The following MTUS2 variants were observed in gnomAD, a reference collection of about 807,000 sequenced individuals.
MTUS2 encodes the protein microtubule-associated tumor suppressor candidate 2.
Under a neutral mutation model 114.1 loss-of-function variants are expected in MTUS2, and 40 were observed. The ratio of observed to expected loss-of-function variants is 0.35; its 90% CI spans 0.27 to 0.46. MTUS2 has a LOEUF of 0.46. MTUS2 is among the 20% of genes least tolerant of loss of function. MTUS2 has a pLI of 1.00. For synonymous variants in MTUS2, 688 were observed against 672.0 expected (o/e 1.02, Z -0.37); for missense variants, 1,679 against 1,705.4 (o/e 0.98, Z 0.27).
intron 4 of MTUS2, among the ~76,000 whole-genome samples, chr13:29,041,361 A>G (rs1248776787): frequency 1.3e-5 from 2 of 152,172 alleles, no homozygotes; most frequent in East Asian, 3.8e-4. Flanking sequence ...CTTATGGTAT[A>G]GTTTGAAGTC....
chr13:29,423,290 C>G (rs2138604082), intron 8 of MTUS2, among the ~76,000 whole-genome samples: 1 of 152,324 alleles, frequency 6.6e-6, no homozygotes, highest in South Asian at 2.1e-4. Flanking sequence ...CAAAAGAAAT[C>G]TCGCTCCCTT....
intron 2 of MTUS2, among the ~76,000 whole-genome samples, chr13:28,894,988 T>C (rs768963647): frequency 1.3e-5 from 2 of 152,204 alleles, no homozygotes; most frequent in Non-Finnish European, 2.9e-5. Context: ...ATGAAACAGT[T>C]TAAAACAGAA....
chr13:29,247,072 G>T (rs1313851347), intron 5 of MTUS2, among the ~76,000 whole-genome samples: 1 of 152,144 alleles, frequency 6.6e-6, no homozygotes, highest in Admixed American at 6.5e-5. Context: ...TATGCACACA[G>T]ATCAATTGGA....
At chr13:29,209,698 A>G (rs1895345196) in intron 5 of MTUS2, among the ~76,000 whole-genome samples, 1 of 152,144 alleles carries the variant, frequency 6.6e-6, no homozygotes, top group Non-Finnish European at 1.5e-5. Context: ...GCTTAGTTTC[A>G]TGAAATACAA....
chr13:29,463,649 C>G (rs1879677814), intron 9 of MTUS2, among the ~76,000 whole-genome samples: 1 of 152,096 alleles, frequency 6.6e-6, no homozygotes, highest in African/African-American at 2.4e-5. Flanking sequence ...GCTCTGCCTC[C>G]TGAGCCCACA....
chr13:29,315,694 A>T (rs1899959491), intron 6 of MTUS2, among the ~76,000 whole-genome samples: 2 of 152,232 alleles, frequency 1.3e-5, no homozygotes, highest in Non-Finnish European at 2.9e-5. Context: ...GTCTCTGTGA[A>T]ATGAGAGCAA....
Position 29,034,102 on chromosome 13 carries a change from GT to G in MTUS2, c.2424del (p.Leu809SerfsTer10). 1.2e-6 allele frequency: 2 copies of G among 1,614,016 alleles called. No individual in the cohort carries two copies. The highest frequency in any genetic ancestry group is 1.7e-6 in the Non-Finnish European group (2 of 1,179,888). Reference sequence around the variant, plus strand: ...CCAGGACCCATAACAACAGCCACCAGTCTCTACAGTTCCGATCCTTCAGGTA... The same window carrying G: ...CCAGGACCCATAACAACAGCCACCAGCTCTACAGTTCCGATCCTTCAGGTA... ...HPPGPITTAT[S>X]LYSSDPSADL... On this transcript the variant is annotated frameshift_variant, in exon 4 of 16. Transcript: ENST00000612955. LOFTEE classifies it high-confidence loss of function.
chr13:29,072,657 T>C (rs780862881), intron 4 of MTUS2, among the ~76,000 whole-genome samples: 6 of 152,196 alleles, frequency 3.9e-5, no homozygotes, highest in Non-Finnish European at 7.3e-5. Context: ...CTGAATTTGC[T>C]CACAAAAAAT....
chr13:28,954,921 C>T (rs1593329987), intron 2 of MTUS2, among the ~76,000 whole-genome samples: 1 of 152,270 alleles, frequency 6.6e-6, no homozygotes, highest in East Asian at 1.9e-4. Flanking sequence ...TTGGCCTGTG[C>T]TCTGTTGACT....
In MTUS2 at chr13:28,946,297, GTGTGTGT is replaced by G. The variant is rs1170070733; in HGVS notation, c.-242-78159_-242-78153del. Among the ~76,000 whole-genome samples the G allele has an allele frequency of 4.5e-3, 688 of 151,304 alleles. 3 individuals carry two copies. The highest frequency in any genetic ancestry group is 0.015 in the African/African-American group (620 of 40,840). On this transcript the variant is annotated intron_variant, in intron 2 of 15. Coordinates refer to ENST00000612955, the MANE Select transcript of MTUS2 (RefSeq NM_001033602.4). ...CGTGTGTGTGTGTGTGTGTGTGTGT[GTGTGTGT>G]GCGCGCGCACATACCTGCGTGCAAG...
At chr13:28,828,800 CAA>C (rs1254896286) in intron 1 of MTUS2, among the ~76,000 whole-genome samples, 1 of 152,000 alleles carries the variant, frequency 6.6e-6, no homozygotes, top group Non-Finnish European at 1.5e-5. Flanking sequence ...AACAAAATAT[CAA>C]AATTTTAAAG....
At chr13:29,467,217 A>C (rs1297364673) in intron 9 of MTUS2, among the ~76,000 whole-genome samples, 1 of 152,214 alleles carries the variant, frequency 6.6e-6, no homozygotes, top group Non-Finnish European at 1.5e-5. Flanking sequence ...TCGCAAACTT[A>C]AAACTTTTGC....
intron 2 of MTUS2, among the ~76,000 whole-genome samples, chr13:28,929,456 T>TA (rs1444567163): frequency 6.6e-6 from 1 of 152,066 alleles, no homozygotes; most frequent in Non-Finnish European, 1.5e-5. Flanking sequence ...TATGTATCAA[T>TA]AAAAAACATA....
At chr13:29,332,784 G>A (rs1327226797) in intron 7 of MTUS2, among the ~76,000 whole-genome samples, 9 of 151,608 alleles carry the variant, frequency 5.9e-5, no homozygotes, top group Non-Finnish European at 1.0e-4. Context: ...ACAGGCGCCC[G>A]CCACTACACC....
intron 2 of MTUS2, among the ~76,000 whole-genome samples, chr13:28,939,025 CA>C (rs1331254352): frequency 3.9e-5 from 6 of 152,172 alleles, no homozygotes; most frequent in African/African-American, 1.4e-4. Flanking sequence ...AGGAATTAAC[CA>C]AAGTAATCTG....
At chr13:29,285,904 G>C (rs1898461230) in intron 6 of MTUS2, among the ~76,000 whole-genome samples, 1 of 152,152 alleles carries the variant, frequency 6.6e-6, no homozygotes, top group Non-Finnish European at 1.5e-5. Context: ...GTGAACACTG[G>C]CTATATGGTG....
At chr13:29,464,957 T>C (rs1879782778) in intron 9 of MTUS2, among the ~76,000 whole-genome samples, 1 of 152,192 alleles carries the variant, frequency 6.6e-6, no homozygotes, top group Admixed American at 6.5e-5. Context: ...GACAGGATGA[T>C]GCGGCAGTTA....
rs184628364 is a variant in MTUS2 at position 29,032,463 on chromosome 13, T to C, written c.2206-1422T>C. Among the ~76,000 whole-genome samples, 165 of 152,042 alleles carry C rather than the reference T, an allele frequency of 1.1e-3. 1 individual carries two copies. The highest frequency in any genetic ancestry group is 3.6e-3 in the African/African-American group (148 of 41,496). On this transcript the variant is annotated intron_variant, in intron 3 of 15. Transcript: ENST00000612955. ...GCAATGGGACCCAAAATTTAGAAAC[T>C]AAAATTAAAAAAGGGTATATATGAG...
chr13:29,406,919 A>G (rs560360064), intron 8 of MTUS2, among the ~76,000 whole-genome samples: 1 of 152,300 alleles, frequency 6.6e-6, no homozygotes, highest in South Asian at 2.1e-4. Flanking sequence ...CACTGTATCA[A>G]TATGCCATAA....
Sources: gnomAD v4.1 joint callset for allele counts (sites outside exome capture counted in the v4.1 genomes callset) on GRCh38, gnomAD v4.1.1 for gene constraint, MANE v1.5 for transcripts, NCBI Gene and HGNC (gene_info 2026-07-23, HGNC 2026-07-21) for gene names.